PDE4B: variants seen among roughly 807,000 people sequenced by gnomAD.
PDE4B encodes phosphodiesterase 4B.
Under a neutral mutation model 82.2 loss-of-function variants are expected in PDE4B, and 20 were observed. The ratio of observed to expected loss-of-function variants is 0.24; its 90% CI spans 0.17 to 0.35. The LOEUF (loss-of-function observed/expected upper bound fraction) is 0.35. PDE4B is among the 10% of genes least tolerant of loss of function. The pLI is 1.00. For synonymous variants in PDE4B, 320 were observed against 318.9 expected (o/e 1.00, Z -0.04); for missense variants, 655 against 907.2 (o/e 0.72, Z 3.57).
chr1:65,936,959 C>G (rs746981645), intron 3 of PDE4B, among the ~76,000 whole-genome samples: 1 of 152,102 alleles, frequency 6.6e-6, no homozygotes, highest in Non-Finnish European at 1.5e-5. Context: ...CTTAATGATA[C>G]CATAGAATTA....
At chr1:65,827,903 A>T (rs1646037881) in intron 1 of PDE4B, among the ~76,000 whole-genome samples, 1 of 152,194 alleles carries the variant, frequency 6.6e-6, no homozygotes, top group Non-Finnish European at 1.5e-5. Flanking sequence ...AAGCAGGCAA[A>T]GGAAAAAAGT....
chr1:65,991,292 A>G (rs1651227019), intron 3 of PDE4B, among the ~76,000 whole-genome samples: 1 of 151,810 alleles, frequency 6.6e-6, no homozygotes, highest in Admixed American at 6.6e-5. Context: ...TGTTGGCCAG[A>G]CTGGTCTCAA....
intron 3 of PDE4B, among the ~76,000 whole-genome samples, chr1:66,142,977 G>A (rs886529265): frequency 8.5e-5 from 13 of 152,218 alleles, no homozygotes; most frequent in Admixed American, 3.3e-4. Context: ...AGTTCAGCTC[G>A]CATCTGTGCT....
chr1:66,158,531 TAAAG>T (rs953147649), intron 3 of PDE4B, among the ~76,000 whole-genome samples: 4 of 152,146 alleles, frequency 2.6e-5, no homozygotes, highest in African/African-American at 9.7e-5. Flanking sequence ...TGGAAAATAG[TAAAG>T]AGTTTCCTCA....
chr1:66,235,215 T>C (rs1652312255), intron 3 of PDE4B, among the ~76,000 whole-genome samples: 1 of 152,222 alleles, frequency 6.6e-6, no homozygotes, highest in Non-Finnish European at 1.5e-5. Context: ...TGAAAAAATG[T>C]CTATCTTTGT....
intron 3 of PDE4B, among the ~76,000 whole-genome samples, chr1:66,141,884 A>G (rs529840072): frequency 1.3e-4 from 20 of 152,266 alleles, no homozygotes; most frequent in African/African-American, 3.6e-4. Flanking sequence ...CTTGAACAAC[A>G]TAGGCATTAG....
chr1:65,855,209 T>G (rs368258496), intron 1 of PDE4B, among the ~76,000 whole-genome samples: 3 of 151,724 alleles, frequency 2.0e-5, no homozygotes, highest in African/African-American at 7.3e-5. Context: ...TTTTATTGAC[T>G]GATATTTTCC....
At chr1:65,829,097 TA>T (rs1646052078) in intron 1 of PDE4B, among the ~76,000 whole-genome samples, 1 of 152,146 alleles carries the variant, frequency 6.6e-6, no homozygotes, top group Admixed American at 6.5e-5. Flanking sequence ...AAGAATTATA[TA>T]AGTTAAATGT....
intron 2 of PDE4B, among the ~76,000 whole-genome samples, chr1:65,916,324 C>G (rs942554073): frequency 6.6e-6 from 1 of 152,002 alleles, no homozygotes; most frequent in African/African-American, 2.4e-5. Context: ...ATAGGTGTGA[C>G]TTTTTTATTT....
At chr1:66,079,083 CT>C (rs1656585294) in intron 3 of PDE4B, among the ~76,000 whole-genome samples, 1 of 151,996 alleles carries the variant, frequency 6.6e-6, no homozygotes, top group African/African-American at 2.4e-5. Flanking sequence ...TATATTGATT[CT>C]CTTAAAACAG....
At chr1:66,100,983 C>T (rs1645211073) in intron 3 of PDE4B, among the ~76,000 whole-genome samples, 1 of 152,052 alleles carries the variant, frequency 6.6e-6, no homozygotes, top group African/African-American at 2.4e-5. Context: ...CCTCCATCCT[C>T]CCCCCACCCC....
At chr1:66,368,104 C>T (rs776394695) in intron 15 of PDE4B, 39 bp downstream of exon 15, 7 of 1,600,120 alleles carry the variant, frequency 4.4e-6, no homozygotes, top group Non-Finnish European at 6.0e-6. Context: ...CAAAACCAAA[C>T]CAAACTAAGC....
chr1:65,967,900 A>C (rs1649925827), intron 3 of PDE4B, among the ~76,000 whole-genome samples: 2 of 152,180 alleles, frequency 1.3e-5, no homozygotes, highest in Admixed American at 6.5e-5. Flanking sequence ...AGATAACATT[A>C]GGAGAAATAC....
intron 12 of PDE4B, among the ~76,000 whole-genome samples, chr1:66,364,953 A>T (rs1377394424): frequency 1.3e-5 from 2 of 152,162 alleles, no homozygotes; most frequent in Non-Finnish European, 2.9e-5. Context: ...ATCACAGAGG[A>T]TGAGGAAAGA....
intron 1 of PDE4B, among the ~76,000 whole-genome samples, chr1:65,868,191 A>G (rs1436813224): frequency 2.0e-5 from 3 of 152,206 alleles, no homozygotes; most frequent in Non-Finnish European, 4.4e-5. Flanking sequence ...AGCTGATTGC[A>G]TCATTCTAAA....
intron 3 of PDE4B, among the ~76,000 whole-genome samples, chr1:66,002,880 A>G (rs1330821146): frequency 1.3e-5 from 2 of 152,150 alleles, no homozygotes; most frequent in African/African-American, 4.8e-5. Context: ...AATTTAATTT[A>G]AAAAATATCT....
At chr1:66,367,059 A>G (rs1663305633) in intron 13 of PDE4B, among the ~76,000 whole-genome samples, 1 of 152,192 alleles carries the variant, frequency 6.6e-6, no homozygotes, top group South Asian at 2.1e-4. Flanking sequence ...GGCAGGCTGG[A>G]AGCTGCAGCT....
intron 3 of PDE4B, among the ~76,000 whole-genome samples, chr1:66,227,308 A>T (rs1032054428): frequency 6.6e-6 from 1 of 152,198 alleles, no homozygotes; most frequent in Non-Finnish European, 1.5e-5. Flanking sequence ...GAGTAAAAAG[A>T]TCTTTGCTTG....
At chr1:66,104,068 C>A (rs1463057629) in intron 3 of PDE4B, among the ~76,000 whole-genome samples, 1 of 150,610 alleles carries the variant, frequency 6.6e-6, no homozygotes, top group Non-Finnish European at 1.5e-5. Flanking sequence ...AGGTATATCT[C>A]CTAAAGCTAT....
Sources: gnomAD v4.1 joint callset for allele counts (sites outside exome capture counted in the v4.1 genomes callset) on GRCh38, gnomAD v4.1.1 for gene constraint, MANE v1.5 for transcripts, NCBI Gene and HGNC (gene_info 2026-07-23, HGNC 2026-07-21) for gene names.